SYCP2: variants seen among roughly 807,000 people sequenced by gnomAD.
The protein encoded by SYCP2 is synaptonemal complex lateral element protein.
Under a neutral mutation model 211.3 loss-of-function variants are expected in SYCP2, and 55 were observed. The ratio of observed to expected loss-of-function variants is 0.26; its 90% CI spans 0.21 to 0.33. The LOEUF (loss-of-function observed/expected upper bound fraction) is 0.33. SYCP2 is among the 10% of genes least tolerant of loss of function. The probability of loss-of-function intolerance (pLI) is 1.00; values close to 1 mark genes in which losing one functional copy is unlikely to be tolerated. For synonymous variants in SYCP2, 570 were observed against 555.2 expected (o/e 1.03, Z -0.37); for missense variants, 1,731 against 1,752.0 (o/e 0.99, Z 0.21).
intron 44 of SYCP2, among the ~76,000 whole-genome samples, chr20:59,864,603 A>G (rs959049107): frequency 6.6e-6 from 1 of 152,008 alleles, no homozygotes; most frequent in African/African-American, 2.4e-5. Context: ...GAAGGCTCTA[A>G]TCTTTTAAAG....
At chr20:59,930,380 T>C (rs140372584) in intron 2 of SYCP2, among the ~76,000 whole-genome samples, 106 of 152,348 alleles carry the variant, frequency 7.0e-4, no homozygotes, top group African/African-American at 2.5e-3. Context: ...AAAGATAGCA[T>C]GTGAGCAAGT....
chr20:59,914,883 C>T (rs6100647), intron 10 of SYCP2, among the ~76,000 whole-genome samples: 1 of 151,778 alleles, frequency 6.6e-6, no homozygotes, highest in East Asian at 1.9e-4. Context: ...ATTAATTAAG[C>T]TATTATATTA....
At chr20:59,930,830 GAA>G (rs889485767) in intron 2 of SYCP2, among the ~76,000 whole-genome samples, 30 of 152,040 alleles carry the variant, frequency 2.0e-4, no homozygotes, top group African/African-American at 6.7e-4. Flanking sequence ...ATTTTTTAAA[GAA>G]AAATACTTTT....
chr20:59,865,531 G>T, intron 43 of SYCP2, 42 bp downstream of exon 43: 1 of 1,570,554 alleles, frequency 6.4e-7, no homozygotes, highest in Non-Finnish European at 8.7e-7. Context: ...AATTCTTTTT[G>T]TAATCAAGAG....
At chr20:59,913,868 T>C in intron 12 of SYCP2, 107 bp downstream of exon 12, 3 of 747,822 alleles carry the variant, frequency 4.0e-6, no homozygotes, top group Non-Finnish European at 6.3e-6. Flanking sequence ...TCCAACATAG[T>C]GTAGAGAACA....
At chr20:59,897,303 T>TA (rs1219462023) in intron 18 of SYCP2, among the ~76,000 whole-genome samples, 3 of 152,066 alleles carry the variant, frequency 2.0e-5, no homozygotes, top group Non-Finnish European at 4.4e-5. Flanking sequence ...AAGGATAAGA[T>TA]AAAAGAAAAT....
Position 59,864,296 on chromosome 20 carries a change from G to A in SYCP2, c.*15C>T. On this transcript the variant is annotated 3_prime_UTR_variant, in exon 45 of 45. Coordinates refer to ENST00000357552, the MANE Select transcript of SYCP2 (RefSeq NM_014258.4). ...GAATAATAATTAGATAAAGTATGGT[G>A]ATAAAAACTAGATTTCACACATTAG... is the stretch of plus-strand genomic sequence containing the variant. 6.5e-7 allele frequency: 1 copy of A among 1,540,898 alleles called. No individual in the cohort carries two copies. The highest frequency in any genetic ancestry group is 1.7e-4 in the Middle Eastern group (1 of 5,896).
chr20:59,880,227 TTATA>T lies in SYCP2; in HGVS notation c.2941+72_2941+75del, dbSNP rs1353511163. ...AATGAACAGTCTAAATACAATAAGCTTATATAAAGCATTTTCAATAATTGAAATA... is the reference window on the plus strand; with the variant it reads ...AATGAACAGTCTAAATACAATAAGCTTAAAGCATTTTCAATAATTGAAATA... On this transcript the variant is annotated intron_variant, in intron 31 of 44. Coordinates refer to ENST00000357552, the MANE Select transcript of SYCP2 (RefSeq NM_014258.4). The T allele has an allele frequency of 2.5e-6, 3 of 1,179,958 alleles. No individual in the cohort carries two copies. In the African/African-American group the frequency reaches 4.6e-5, roughly 18 times the overall value. The allele number at this position is 1,179,958 out of a possible 1,614,324, so 73.1% of individuals were successfully genotyped here.
chr20:59,915,363 C>A, intron 9 of SYCP2, 102 bp downstream of exon 9: 5 of 978,222 alleles, frequency 5.1e-6, no homozygotes, highest in South Asian at 1.5e-5. Flanking sequence ...AAAGCTGCAA[C>A]AGTTTATCAG....
chr20:59,922,045 A>G (rs1319558471), intron 3 of SYCP2, among the ~76,000 whole-genome samples: 1 of 151,648 alleles, frequency 6.6e-6, no homozygotes, highest in Non-Finnish European at 1.5e-5. Context: ...TGTTGAATAG[A>G]TTATTAACAC....
chr20:59,870,441 GTCTT>G (rs937822128), intron 35 of SYCP2, among the ~76,000 whole-genome samples: 2 of 151,572 alleles, frequency 1.3e-5, no homozygotes, highest in African/African-American at 4.8e-5. Flanking sequence ...TTTAAAAAAA[GTCTT>G]TTTTTTAATA....
intron 15 of SYCP2, among the ~76,000 whole-genome samples, chr20:59,903,236 ATTAG>A (rs763947630): frequency 6.6e-5 from 10 of 152,184 alleles, no homozygotes; most frequent in South Asian, 2.1e-4. Context: ...TTCCTTTTTA[ATTAG>A]TTAGTGTTAC....
At chr20:59,876,757 T>C (rs1268249725) in intron 33 of SYCP2, among the ~76,000 whole-genome samples, 1 of 152,118 alleles carries the variant, frequency 6.6e-6, no homozygotes, top group Non-Finnish European at 1.5e-5. Flanking sequence ...AAGCACTACA[T>C]ATATTTATAT....
At chr20:59,895,726 T>A in intron 19 of SYCP2, 129 bp from the exon 20 acceptor site, 1 of 1,031,768 alleles carries the variant, frequency 9.7e-7, no homozygotes, top group Non-Finnish European at 1.4e-6. Flanking sequence ...CTTAGATAAT[T>A]AAGTGAATAT....
At chr20:59,878,103 T>G in intron 31 of SYCP2, 58 bp from the exon 32 acceptor site, 1 of 1,070,124 alleles carries the variant, frequency 9.3e-7, no homozygotes, top group Non-Finnish European at 1.4e-6. Context: ...GGCATTAAAT[T>G]TATTAGAACA....
At chr20:59,865,905 TTA>T (rs745550519) in intron 41 of SYCP2, 40 bp from the exon 42 acceptor site, 1 of 901,424 alleles carries the variant, frequency 1.1e-6, no homozygotes, top group Non-Finnish European at 1.6e-6. Context: ...CCTAAATATT[TTA>T]GTCCTAAAAT....
intron 14 of SYCP2, among the ~76,000 whole-genome samples, chr20:59,907,710 T>A (rs2060238994): frequency 6.6e-6 from 1 of 152,220 alleles, no homozygotes; most frequent in Non-Finnish European, 1.5e-5. Context: ...ATACCCTTTT[T>A]AAAAATGTTA....
Position 59,915,454 on chromosome 20 carries a change from C to A in SYCP2, c.599+11G>T, listed in dbSNP as rs766145009. Reference sequence around the variant, plus strand: ...TTTAAGAATAAAAACCATATAAGTACAGATTATTACATGAGAATTAACATT... The same window carrying A: ...TTTAAGAATAAAAACCATATAAGTAAAGATTATTACATGAGAATTAACATT... On this transcript the variant is annotated intron_variant, in intron 9 of 44. Transcript: ENST00000357552. The A allele has an allele frequency of 1.7e-5, 26 of 1,536,192 alleles. No individual in the cohort carries two copies. In the African/African-American group the frequency reaches 2.9e-4, roughly 17 times the overall value.
chr20:59,897,127 GACT>G (rs2060024951), intron 18 of SYCP2, among the ~76,000 whole-genome samples: 1 of 151,988 alleles, frequency 6.6e-6, no homozygotes, highest in African/African-American at 2.4e-5. Flanking sequence ...CAGAGGCAGG[GACT>G]ACAAGAGACA....
Sources: gnomAD v4.1 joint callset for allele counts (sites outside exome capture counted in the v4.1 genomes callset) on GRCh38, gnomAD v4.1.1 for gene constraint, MANE v1.5 for transcripts, NCBI Gene and HGNC (gene_info 2026-07-23, HGNC 2026-07-21) for gene names.